KIAA0825: variants seen among roughly 807,000 people sequenced by gnomAD.
KIAA0825 encodes uncharacterized protein KIAA0825.
In KIAA0825, 119 loss-of-function variants were observed where a neutral mutation model predicts 147.6. The observed-to-expected ratio is 0.81, with a 90% CI of 0.69 to 0.94. The LOEUF is 0.94. KIAA0825 is among the 40% of genes least tolerant of loss of function. The pLI, the probability that KIAA0825 is intolerant of heterozygous loss-of-function variation, is 0.00. For synonymous variants in KIAA0825, 470 were observed against 518.1 expected, an observed-to-expected ratio of 0.91 and a Z score of 1.26; for missense variants, 1,381 against 1,472.7, an observed-to-expected ratio of 0.94 and a Z score of 1.02.
At chr5:94,563,196 A>AAAC (rs373254114) in intron 2 of KIAA0825, among the ~76,000 whole-genome samples, 855 of 58,434 alleles carry the variant, frequency 0.015, 12 homozygotes, top group African/African-American at 0.052. Flanking sequence ...CAAAAAAAAC[A>AAAC]AAAAAAAAAA....
chr5:94,522,686 A>G (rs150113609), intron 4 of KIAA0825, among the ~76,000 whole-genome samples: 66 of 151,724 alleles, frequency 4.4e-4, no homozygotes, highest in Middle Eastern at 6.8e-3. Flanking sequence ...GGTCATTTAA[A>G]TCTGGATCTG....
At chr5:94,339,039 C>A (rs979043174) in intron 20 of KIAA0825, among the ~76,000 whole-genome samples, 4 of 151,964 alleles carry the variant, frequency 2.6e-5, no homozygotes, top group African/African-American at 9.7e-5. Flanking sequence ...ATCATTTTTT[C>A]ACATATTTCT....
chr5:94,217,378 A>G (rs1289500267), intron 20 of KIAA0825, among the ~76,000 whole-genome samples: 1 of 152,156 alleles, frequency 6.6e-6, no homozygotes, highest in Non-Finnish European at 1.5e-5. Context: ...TTTTGCTTCC[A>G]TTACAGCTGA....
chr5:94,361,450 T>C (rs985467956), intron 20 of KIAA0825, among the ~76,000 whole-genome samples: 2 of 152,212 alleles, frequency 1.3e-5, no homozygotes, highest in Non-Finnish European at 2.9e-5. Flanking sequence ...ATTAGCAAAC[T>C]GAACACTTTG....
intron 13 of KIAA0825, among the ~76,000 whole-genome samples, chr5:94,441,034 A>C (rs1757014427): frequency 6.6e-6 from 1 of 152,064 alleles, no homozygotes; most frequent in African/African-American, 2.4e-5. Context: ...AGAGGTGAGA[A>C]TGGGAGCATC....
chr5:94,289,232 G>A (rs1001847872), intron 20 of KIAA0825, among the ~76,000 whole-genome samples: 1 of 152,046 alleles, frequency 6.6e-6, no homozygotes, highest in African/African-American at 2.4e-5. Flanking sequence ...TTATTTCTTA[G>A]ACAACTGTAA....
chr5:94,579,304 C>A (rs7707464), intron 2 of KIAA0825, among the ~76,000 whole-genome samples: 124,435 of 152,244 alleles, frequency 0.82, 51,582 homozygotes, highest in East Asian at 0.96. Context: ...CATCCGTAAA[C>A]GAGTGAGAAC....
At chr5:94,523,249 C>T (rs923880107) in intron 4 of KIAA0825, among the ~76,000 whole-genome samples, 1 of 151,562 alleles carries the variant, frequency 6.6e-6, no homozygotes, top group Non-Finnish European at 1.5e-5. Context: ...ACCATAGCTA[C>T]AGAAGTACTG....
intron 20 of KIAA0825, among the ~76,000 whole-genome samples, chr5:94,217,656 T>C (rs778300284): frequency 6.6e-6 from 1 of 152,176 alleles, no homozygotes; most frequent in Admixed American, 6.5e-5. Context: ...GCAGAGAAGA[T>C]AGAAGTATAG....
chr5:94,546,937 T>C (rs777068985), intron 2 of KIAA0825, among the ~76,000 whole-genome samples: 3 of 151,852 alleles, frequency 2.0e-5, no homozygotes, highest in Non-Finnish European at 4.4e-5. Flanking sequence ...AAAATAGCTG[T>C]GTTGAGGAAA....
Position 94,453,032 on chromosome 5 carries a change from A to G in KIAA0825, c.2284T>C (p.Ser762Pro). The G allele has an allele frequency of 6.5e-7, 1 of 1,527,066 alleles. No individual in the cohort carries two copies. The highest frequency in any genetic ancestry group is 8.8e-7 in the Non-Finnish European group (1 of 1,138,074). The allele number at this position is 1,527,066 out of a possible 1,614,324, so 94.6% of individuals were successfully genotyped here. Residue 762 changes from serine to proline, a missense_variant, in exon 13 of 21, where the codon TCC (serine) becomes CCC (proline). Coordinates refer to ENST00000682413, the MANE Select transcript of KIAA0825 (RefSeq NM_001145678.3). ...QHGLDESASDSLKSFFKQPLY... is the reference protein window; with the variant it reads ...QHGLDESASDPLKSFFKQPLY... ...GGTTGCTTAAAAAATGATTTTAAGG[A>G]ATCTGAAGCAGACTCATCCAGGCCA... is the stretch of plus-strand genomic sequence containing the variant.
chr5:94,513,742 C>T (rs2151176850), intron 5 of KIAA0825, among the ~76,000 whole-genome samples: 1 of 151,800 alleles, frequency 6.6e-6, no homozygotes, highest in South Asian at 2.1e-4. Flanking sequence ...ACATAAAATA[C>T]ACCCTCCCCT....
At position 94,485,433 on chromosome 5, in the gene KIAA0825, A is replaced by C. The variant is rs184562617; in HGVS notation, c.971-503T>G. 5.5e-3 allele frequency among the ~76,000 whole-genome samples: 843 copies of C among 151,942 alleles called. 9 individuals carry two copies. The highest frequency in any genetic ancestry group is 0.027 in the Middle Eastern group (8 of 294). ...AGCATTTGATTTTCATATAAAAGAC[A>C]TACTTGGGATAATTTGGTGAAATCT... On this transcript the variant is annotated intron_variant, in intron 5 of 20. Coordinates refer to ENST00000682413, the MANE Select transcript of KIAA0825 (RefSeq NM_001145678.3).
At chr5:94,321,494 C>T (rs1181708438) in intron 20 of KIAA0825, among the ~76,000 whole-genome samples, 1 of 151,962 alleles carries the variant, frequency 6.6e-6, no homozygotes, top group Non-Finnish European at 1.5e-5. Flanking sequence ...GAAAGGTAGG[C>T]TGTTCAAAAT....
At chr5:94,478,208 T>C (rs1762111684) in intron 6 of KIAA0825, among the ~76,000 whole-genome samples, 1 of 152,234 alleles carries the variant, frequency 6.6e-6, no homozygotes. Flanking sequence ...TGTTTTGTTC[T>C]GATGTTAATT....
At chr5:94,331,119 A>G (rs955365486) in intron 20 of KIAA0825, among the ~76,000 whole-genome samples, 1 of 151,388 alleles carries the variant, frequency 6.6e-6, no homozygotes, top group Admixed American at 6.6e-5. Context: ...TGGGCAAAAG[A>G]GTGAGACTCT....
At chr5:94,342,774 G>A (rs1041927914) in intron 20 of KIAA0825, among the ~76,000 whole-genome samples, 6 of 151,736 alleles carry the variant, frequency 4.0e-5, no homozygotes, top group African/African-American at 7.3e-5. Flanking sequence ...TGTTAACCAA[G>A]GCAATAAAGT....
At chr5:94,529,419 TATC>T (rs1398901839) in intron 3 of KIAA0825, among the ~76,000 whole-genome samples, 1 of 147,448 alleles carries the variant, frequency 6.8e-6, no homozygotes, top group African/African-American at 2.5e-5. Context: ...TATATGTATA[TATC>T]ATATGTATAT....
intron 11 of KIAA0825, 45 bp from the exon 12 acceptor site, chr5:94,462,614 T>C: frequency 8.2e-7 from 1 of 1,223,616 alleles, no homozygotes; most frequent in South Asian, 1.7e-5. Flanking sequence ...CAAAATAATG[T>C]CTCTGCTTGG....
Sources: allele counts gnomAD v4.1 joint callset (sites outside exome capture counted in the v4.1 genomes callset), GRCh38; gene constraint gnomAD v4.1.1; transcripts MANE v1.5; gene names NCBI Gene and HGNC (gene_info 2026-07-23, HGNC 2026-07-21).